The following DNAH10 variants were observed in gnomAD, a reference collection of about 807,000 sequenced individuals.
DNAH10 encodes axonemal beta dynein heavy chain 10.
DNAH10 carries 348 observed loss-of-function variants against 506.6 expected under a neutral mutation model. That is an observed-to-expected ratio of 0.69 (90% CI 0.63 to 0.75). The LOEUF (loss-of-function observed/expected upper bound fraction) is 0.75. DNAH10 is among the 30% of genes least tolerant of loss of function. The pLI, the probability that DNAH10 is intolerant of heterozygous loss-of-function variation, is 0.00. For missense variants in DNAH10, 5,179 were observed against 5,787.1 expected, an observed-to-expected ratio of 0.89 and a Z score of 3.41; for synonymous variants, 2,059 against 2,198.6, an observed-to-expected ratio of 0.94 and a Z score of 1.78.
At position 123,931,742 on chromosome 12, in the gene DNAH10, C is replaced by T. The variant is rs1290541332; in HGVS notation, c.13023C>T (p.Arg4341=). The change falls in exon 75 of 79, where the codon CGC becomes CGT. Residue 4341 remains arginine, a synonymous_variant. Transcript: ENST00000673944. ...TTGACTTGGACCAGGTGAGGAAGCG[C>T]CTCGGAACAGGACTCTCCCCCACTT... ...KVFDLDQVRK[R]LGTGLSPTSV... The T allele has an allele frequency of 6.2e-7, 1 of 1,614,048 alleles. No individual in the cohort carries two copies. Among genetic ancestry groups the T allele is most frequent in the Non-Finnish European group, 8.5e-7 (1 of 1,179,906 alleles).
intron 54 of DNAH10, among the ~76,000 whole-genome samples, chr12:123,896,306 G>A (rs569430675): frequency 7.9e-5 from 12 of 152,144 alleles, no homozygotes; most frequent in African/African-American, 1.9e-4. Flanking sequence ...TGCTAACCCC[G>A]GAGTAACTCA....
chr12:123,879,404 T>C (rs1245579930), intron 49 of DNAH10, 47 bp downstream of exon 49: 1 of 1,540,748 alleles, frequency 6.5e-7, no homozygotes, highest in Non-Finnish European at 8.8e-7. Context: ...CTCAGGAAAA[T>C]AAACAAGCGC....
intron 36 of DNAH10, among the ~76,000 whole-genome samples, chr12:123,855,650 T>TAA (rs61707714): frequency 1.4e-5 from 2 of 140,970 alleles, no homozygotes; most frequent in African/African-American, 2.6e-5. Flanking sequence ...AAAAAAAAAA[T>TAA]AATAATAAAA....
At position 123,785,935 on chromosome 12, in the gene DNAH10, A is replaced by C; in HGVS notation, c.1420A>C (p.Lys474Gln). The C allele has an allele frequency of 1.2e-6, 2 of 1,606,800 alleles. No homozygotes were observed. Among genetic ancestry groups the C allele is most frequent in the Non-Finnish European group, 1.7e-6 (2 of 1,174,320 alleles). ...AGTGGTCAACCTGCGGACTTTGTTC[A>C]AGTAAGAAGCCATGGCGTTCATTTT... ...CRVVNLRTLF[K>Q]ENRASAQSKT... Residue 474 changes from lysine to glutamine, a missense_variant and splice_region_variant, in exon 9 of 79, where the codon AAA (lysine) becomes CAA (glutamine). Coordinates refer to ENST00000673944, the MANE Select transcript of DNAH10 (RefSeq NM_001372106.1). This position sits in a 1 kb window ranked among gnomAD's most constrained non-coding sequence, Gnocchi z 4.1.
chr12:123,774,041 T>G, intron 4 of DNAH10, 108 bp from the exon 5 acceptor site: 2 of 743,026 alleles, frequency 2.7e-6, no homozygotes, highest in South Asian at 1.8e-5. Flanking sequence ...ACCAGAACAT[T>G]CCTTGTAGCA....
rs1259341308 is a variant in DNAH10, at chr12:123,837,345, AAAAAAAG to A, written c.4903-1098_4903-1092del. 7.9e-5 allele frequency among the ~76,000 whole-genome samples: 12 copies of A among 151,848 alleles called. No individual in the cohort carries two copies. The South Asian group carries it at 2.3e-3, about 29-fold the overall frequency. On this transcript the variant is annotated intron_variant, in intron 28 of 78. Transcript: ENST00000673944. ...TGACAGAGTGAGACTCTGTCTCAAA[AAAAAAAG>A]AAAAAAGAAAAAGAAGAATTATACA...
In DNAH10 at chr12:123,806,340, A is replaced by G. The variant is rs768312448; in HGVS notation, c.2987+1300A>G. Among the ~76,000 whole-genome samples the G allele has an allele frequency of 1.1e-4, 16 of 152,184 alleles. 1 individual carries two copies. The highest frequency in any genetic ancestry group is 2.2e-4 in the Non-Finnish European group (15 of 68,036). On this transcript the variant is annotated intron_variant, in intron 18 of 78. Coordinates refer to ENST00000673944, the MANE Select transcript of DNAH10 (RefSeq NM_001372106.1). ...TTTCCAATTCTCATCCCTGTTTTAC[A>G]GAGGAGGATACAGAATCTTGGCAGG...
chr12:123,896,150 G>A (rs7314172), intron 54 of DNAH10, among the ~76,000 whole-genome samples: 1 of 70,754 alleles, frequency 1.4e-5, no homozygotes, highest in Admixed American at 1.6e-4. Flanking sequence ...CACACACACA[G>A]AGAGAGAGAG....
intron 1 of DNAH10, among the ~76,000 whole-genome samples, chr12:123,765,491 A>G (rs1456304745): frequency 6.6e-6 from 1 of 152,180 alleles, no homozygotes; most frequent in African/African-American, 2.4e-5. Context: ...TCAAATTATC[A>G]GTCAATCAAT....
rs560972039 is a variant in DNAH10, at chr12:123,815,918, G to T, written c.3780+2006G>T. ...GTAAGTATTTGTGTATCTAAACATA[G>T]AAAAGGTACAGTAAAAATACAGTAT... is the stretch of plus-strand genomic sequence containing the variant. On this transcript the variant is annotated intron_variant, in intron 21 of 78. Transcript: ENST00000673944. 2.0e-5 allele frequency among the ~76,000 whole-genome samples: 3 copies of T among 152,280 alleles called. No individual in the cohort carries two copies. The East Asian group carries it at 5.8e-4, about 29-fold the overall frequency.
In DNAH10 at chr12:123,861,117, G is replaced by A. The variant is rs769861853; in HGVS notation, c.6855G>A (p.Val2285=). 3 of 1,613,990 alleles carry A rather than the reference G, an allele frequency of 1.9e-6. No homozygotes were observed. Among genetic ancestry groups the A allele is most frequent in the Non-Finnish European group, 2.5e-6 (3 of 1,179,898 alleles). The change falls in exon 39 of 79, where the codon GTG becomes GTA. Residue 2285 remains valine (V), a synonymous_variant. Coordinates refer to ENST00000673944, the MANE Select transcript of DNAH10 (RefSeq NM_001372106.1). ...CCACCCGAGACTGGACAGATGGGGT[G>A]TTGTCAAACATCTTCAGGGAAATCA... ...DPTTRDWTDG[V]LSNIFREINK...
chr12:123,772,726 A>T, intron 3 of DNAH10, 108 bp from the exon 4 acceptor site: 2 of 806,986 alleles, frequency 2.5e-6, no homozygotes, highest in Non-Finnish European at 3.9e-6. Flanking sequence ...TCAGAACATG[A>T]GACCAGCCAT....
chr12:123,881,794 C>G lies in DNAH10; in HGVS notation c.8804C>G (p.Ala2935Gly), dbSNP rs1313769472. ...AAGCAGTCTCTTTCGAGGCTGGCTG[C>G]CTTCACAGCCAGCTGTGAGGTCAGT... ...SGKQSLSRLA[A>G]FTASCEVFEI... Residue 2935 changes from alanine to glycine, a missense_variant, in exon 51 of 79, where the codon GCC becomes GGC. Ala to Gly is a moderately conservative substitution (Grantham distance 60). Around this residue, in one of 3 missense-constraint regions of DNAH10, gnomAD observed 4,844 missense variants for 5,430.5 expected, o/e 0.89. Coordinates refer to ENST00000673944, the MANE Select transcript of DNAH10 (RefSeq NM_001372106.1). 1 of 1,512,728 alleles carries G rather than the reference C, an allele frequency of 6.6e-7. No individual in the cohort carries two copies. The highest frequency in any genetic ancestry group is 8.8e-7 in the Non-Finnish European group (1 of 1,130,438). The allele number at this position is 1,512,728 out of a possible 1,614,324, so 93.7% of individuals were successfully genotyped here.
chr12:123,826,687 GT>G lies in DNAH10; in HGVS notation c.4182del (p.Ala1395GlnfsTer13), dbSNP rs1960028747. 6.2e-7 allele frequency: 1 copy of G among 1,612,576 alleles called. No individual in the cohort carries two copies. Among genetic ancestry groups the G allele is most frequent in the African/African-American group, 1.3e-5 (1 of 75,004 alleles). On this transcript the variant is annotated frameshift_variant and splice_region_variant, in exon 25 of 79. Transcript: ENST00000673944. LOFTEE classifies it high-confidence loss of function. ...MIYELYEGLK[V>X]AKEEWSQTLW... Reference sequence around the variant, plus strand: ...GGAGCTGTTCCTTGCACGTTTCCAGGTTGCAAAAGAAGAATGGTCTCAGACC... The same window carrying G: ...GGAGCTGTTCCTTGCACGTTTCCAGGTGCAAAAGAAGAATGGTCTCAGACC...
In DNAH10 at chr12:123,853,288, G is replaced by C; in HGVS notation, c.6374G>C (p.Arg2125Thr). The stretch of plus-strand genomic sequence containing the variant: ...CAGTATCACTATGATTTTGGACTCA[G>C]AGCCCTGAAATCGGTGCTGGTCATG... ...SKQYHYDFGL[R>T]ALKSVLVMAG... Residue 2125 changes from arginine (R) to threonine (T), a missense_variant, in exon 36 of 79, where the codon AGA (arginine) becomes ACA (threonine). Arg to Thr is a moderately conservative substitution (Grantham distance 71). Transcript: ENST00000673944. This position sits in a 1 kb window ranked among gnomAD's most constrained non-coding sequence, Gnocchi z 4.7. 1 of 1,612,088 alleles carries C rather than the reference G, an allele frequency of 6.2e-7. No homozygotes were observed. Among genetic ancestry groups the C allele is most frequent in the Non-Finnish European group, 8.5e-7 (1 of 1,179,154 alleles).
intron 6 of DNAH10, among the ~76,000 whole-genome samples, chr12:123,782,702 G>A (rs143203578): frequency 0.011 from 1,636 of 152,104 alleles, 15 homozygotes; most frequent in South Asian, 0.032. Flanking sequence ...GTGAGCCATC[G>A]TGCCTGGCCT....
rs183189260 is a variant in DNAH10 at position 123,811,593 on chromosome 12, C to T, written c.3145-1571C>T. Among the ~76,000 whole-genome samples, 743 of 152,194 alleles carry T rather than the reference C, an allele frequency of 4.9e-3. 6 individuals are homozygous for T. Among genetic ancestry groups the T allele is most frequent in the Non-Finnish European group, 9.0e-3 (615 of 68,002 alleles). On this transcript the variant is annotated intron_variant, in intron 19 of 78. Transcript: ENST00000673944. Reference sequence around the variant, plus strand: ...TCAGCTCACTGCAAGCTCCGCCTTCCGGGTTCATGCCATTCTCCTGCCTCA... The same window carrying T: ...TCAGCTCACTGCAAGCTCCGCCTTCTGGGTTCATGCCATTCTCCTGCCTCA...
intron 2 of DNAH10, 148 bp downstream of exon 2, chr12:123,767,837 T>C: frequency 1.5e-6 from 1 of 683,396 alleles, no homozygotes; most frequent in Non-Finnish European, 2.5e-6. Context: ...AATAGACGGA[T>C]GTAGTAGTTT....
intron 8 of DNAH10, among the ~76,000 whole-genome samples, chr12:123,784,794 C>T (rs1014160995): frequency 6.6e-6 from 1 of 152,186 alleles, no homozygotes; most frequent in Non-Finnish European, 1.5e-5. Context: ...CTTTGTAAAT[C>T]TGACTACTCT....
Sources: allele counts gnomAD v4.1 joint callset (sites outside exome capture counted in the v4.1 genomes callset), GRCh38; gene constraint gnomAD v4.1.1; regional missense constraint gnomAD v4.1.1; non-coding constraint Gnocchi (gnomAD v3.1); transcripts MANE v1.5; gene names NCBI Gene and HGNC (gene_info 2026-07-23, HGNC 2026-07-21).